The following ESRRG variants were observed in gnomAD, a reference collection of about 807,000 sequenced individuals.
The protein encoded by ESRRG is estrogen related receptor gamma, also known as estrogen-related receptor gamma.
ESRRG carries 13 observed loss-of-function variants against 44.0 expected under a neutral mutation model. The ratio of observed to expected loss-of-function variants is 0.30; its 90% CI spans 0.19 to 0.47. The LOEUF is 0.47. Ranked by LOEUF, ESRRG falls within the 20% of genes least tolerant of loss-of-function variation. The probability of loss-of-function intolerance (pLI) is 1.00; values close to 1 mark genes in which losing one functional copy is unlikely to be tolerated. For synonymous variants in ESRRG, 215 were observed against 214.6 expected (o/e 1.00, Z -0.02); for missense variants, 395 against 580.6 (o/e 0.68, Z 3.29).
chr1:216,836,592 C>T (rs1370195878), intron 2 of ESRRG, among the ~76,000 whole-genome samples: 4 of 152,110 alleles, frequency 2.6e-5, no homozygotes, highest in Non-Finnish European at 4.4e-5. Flanking sequence ...TCTCTTCTTC[C>T]CTCTCTGTGT....
chr1:216,614,596 C>T lies in ESRRG; in HGVS notation c.589+36377G>A, dbSNP rs151325233. Among the ~76,000 whole-genome samples the T allele has an allele frequency of 6.7e-4, 102 of 152,260 alleles. 1 individual carries two copies. Among genetic ancestry groups the T allele is most frequent in the African/African-American group, 2.3e-3 (96 of 41,568 alleles). ...AAGCACTACTATTTGTTTTAAATGG[C>T]TTTATTTTATTGTTTAAATGTCAGT... On this transcript the variant is annotated intron_variant, in intron 3 of 6. Transcript: ENST00000408911.
At chr1:216,720,418 G>A (rs1391297819) in intron 1 of ESRRG, among the ~76,000 whole-genome samples, 3 of 152,046 alleles carry the variant, frequency 2.0e-5, no homozygotes, top group African/African-American at 7.2e-5. Context: ...AGTCATGTGA[G>A]CTCCAAGTCT....
At chr1:216,982,606 T>G (rs773687461) in intron 1 of ESRRG, among the ~76,000 whole-genome samples, 11 of 152,178 alleles carry the variant, frequency 7.2e-5, no homozygotes, top group Non-Finnish European at 1.6e-4. Flanking sequence ...AAAAAGGTAT[T>G]GAAAAAGAAT....
intron 2 of ESRRG, among the ~76,000 whole-genome samples, chr1:216,821,016 G>A (rs966495718): frequency 6.6e-6 from 1 of 152,064 alleles, no homozygotes; most frequent in East Asian, 1.9e-4. Flanking sequence ...ACTACATTAC[G>A]AAGTTTTCAG....
chr1:216,646,875 T>C (rs1470295870), intron 3 of ESRRG, among the ~76,000 whole-genome samples: 1 of 152,132 alleles, frequency 6.6e-6, no homozygotes, highest in Non-Finnish European at 1.5e-5. Flanking sequence ...AAGAATATAA[T>C]GTGCGTGAAT....
chr1:217,054,369 C>T (rs1433893386), intron 1 of ESRRG, among the ~76,000 whole-genome samples: 1 of 152,104 alleles, frequency 6.6e-6, no homozygotes, highest in Admixed American at 6.6e-5. Flanking sequence ...TCCTATTTAA[C>T]CTCATATGGG....
At chr1:216,662,068 G>A (rs1484220591) in intron 2 of ESRRG, among the ~76,000 whole-genome samples, 1 of 152,142 alleles carries the variant, frequency 6.6e-6, no homozygotes, top group Admixed American at 6.6e-5. Context: ...GTAAGATCAT[G>A]TATTTAAGAT....
chr1:216,672,208 T>G (rs1256293276), intron 2 of ESRRG, among the ~76,000 whole-genome samples: 1 of 152,196 alleles, frequency 6.6e-6, no homozygotes, highest in African/African-American at 2.4e-5. Flanking sequence ...GTAACCCTAT[T>G]GGATGACAGG....
At chr1:216,940,977 C>A (rs951090360) in intron 1 of ESRRG, among the ~76,000 whole-genome samples, 3 of 152,002 alleles carry the variant, frequency 2.0e-5, no homozygotes, top group Admixed American at 2.0e-4. Context: ...GACAAGAGAA[C>A]GAGGAGGTTT....
chr1:216,818,754 G>A (rs1041578705), intron 2 of ESRRG, among the ~76,000 whole-genome samples: 1 of 152,024 alleles, frequency 6.6e-6, no homozygotes, highest in African/African-American at 2.4e-5. Flanking sequence ...TCTTCCAGAT[G>A]CTCTCACTTC....
At chr1:216,664,532 C>A (rs909855518) in intron 2 of ESRRG, among the ~76,000 whole-genome samples, 4 of 150,678 alleles carry the variant, frequency 2.7e-5, no homozygotes, top group African/African-American at 9.7e-5. Context: ...AATCTTAAGA[C>A]AGCTATGTAC....
At chr1:216,755,679 A>T in intron 2 of ESRRG, among the ~76,000 whole-genome samples, 1 of 152,018 alleles carries the variant, frequency 6.6e-6, no homozygotes, top group East Asian at 1.9e-4. Flanking sequence ...TGGAGTCTCA[A>T]GTAGCTGAAT....
At position 216,816,751 on chromosome 1, in the gene ESRRG, A is replaced by C. The variant is rs149744356; in HGVS notation, c.-14+122831T>G. Among the ~76,000 whole-genome samples the C allele has an allele frequency of 1.5e-3, 236 of 152,338 alleles. 4 individuals are homozygous for C. Among genetic ancestry groups the C allele is most frequent in the Admixed American group, 9.8e-3 (150 of 15,304 alleles). ...GGGAAGAGAAATAAACGAATCATAC[A>C]TACGACTTTTAAGATGTTTTGAAAC... On this transcript the variant is annotated intron_variant, in intron 2 of 7. Transcript: ENST00000359162.
intron 1 of ESRRG, among the ~76,000 whole-genome samples, chr1:217,131,525 A>T (rs1393538055): frequency 6.6e-6 from 1 of 152,234 alleles, no homozygotes; most frequent in Admixed American, 6.5e-5. Context: ...TATTGTAAGG[A>T]AATTTGAGAA....
chr1:217,024,538 A>G (rs2080895338), intron 1 of ESRRG, among the ~76,000 whole-genome samples: 1 of 152,070 alleles, frequency 6.6e-6, no homozygotes, highest in South Asian at 2.1e-4. Flanking sequence ...CAAACACACC[A>G]AAGCCTGGAG....
chr1:216,626,787 C>A (rs2063267999), intron 3 of ESRRG, among the ~76,000 whole-genome samples: 3 of 152,190 alleles, frequency 2.0e-5, no homozygotes, highest in Admixed American at 2.0e-4. Context: ...TTGTAACTGG[C>A]CTTGCCCGCT....
chr1:216,938,341 T>C (rs1461815434), intron 2 of ESRRG, among the ~76,000 whole-genome samples: 2 of 152,180 alleles, frequency 1.3e-5, no homozygotes, highest in Non-Finnish European at 2.9e-5. Context: ...TAGGTATCAC[T>C]AATATTTAAA....
chr1:217,076,384 A>C (rs140280604), intron 1 of ESRRG, among the ~76,000 whole-genome samples: 1 of 152,132 alleles, frequency 6.6e-6, no homozygotes, highest in Non-Finnish European at 1.5e-5. Context: ...CACACCAAAC[A>C]AACCACGAGG....
intron 2 of ESRRG, among the ~76,000 whole-genome samples, chr1:216,932,276 T>C (rs2063467617): frequency 1.3e-5 from 2 of 151,976 alleles, no homozygotes; most frequent in African/African-American, 4.8e-5. Flanking sequence ...GAGGTTAATA[T>C]TGTTAGTACA....
Sources: allele counts gnomAD v4.1 joint callset (sites outside exome capture counted in the v4.1 genomes callset), GRCh38; gene constraint gnomAD v4.1.1; transcripts MANE v1.5; gene names NCBI Gene and HGNC (gene_info 2026-07-23, HGNC 2026-07-21).